The following PGA5 variants were observed in gnomAD, a reference collection of about 807,000 sequenced individuals.
The protein encoded by PGA5 is pepsinogen A5.
PGA5 carries 19 observed loss-of-function variants against 15.9 expected under a neutral mutation model. That is an observed-to-expected ratio of 1.19 (90% confidence interval 0.83 to 1.75). The LOEUF (loss-of-function observed/expected upper bound fraction) is 1.75. Among genes scored for constraint, PGA5 ranks in the 40% most tolerant of loss-of-function variants. The pLI is 0.00. For missense variants in PGA5, 224 were observed against 246.4 expected (o/e 0.91, Z 0.61); for synonymous variants, 92 against 95.8 (o/e 0.96, Z 0.23).
intron 8 of PGA5, chr11:61,250,595 A>T (rs11230644): frequency 0.055 from 24,423 of 448,064 alleles, 1,007 homozygotes; most frequent in Non-Finnish European, 0.065. Flanking sequence ...AGTGGACTCA[A>T]GTTATTCAAC....
At chr11:61,247,512 C>T (rs909962675) in intron 5 of PGA5, among the ~76,000 whole-genome samples, 2 of 151,880 alleles carry the variant, frequency 1.3e-5, no homozygotes, top group African/African-American at 2.4e-5. Flanking sequence ...CTCCTGACCT[C>T]GTGATCCACC....
chr11:61,247,281 CTTTT>C (rs1173101519), intron 5 of PGA5, among the ~76,000 whole-genome samples: 3 of 139,218 alleles, frequency 2.2e-5, no homozygotes, highest in African/African-American at 2.7e-5. Flanking sequence ...TGATTAATTT[CTTTT>C]TTTTTTTTTT....
intron 7 of PGA5, 29 bp from the exon 8 acceptor site, chr11:61,249,887 C>A: frequency 6.2e-7 from 1 of 1,613,662 alleles, no homozygotes; most frequent in Non-Finnish European, 8.5e-7. Context: ...GAAAACCCTT[C>A]TAACTTTTCT....
rs1181062325 is a variant in PGA5 at position 61,248,491 on chromosome 11, G to C, written c.729G>C (p.Trp243Cys). Residue 243 changes from tryptophan to cysteine, a missense_variant, in exon 6 of 9, where the codon TGG becomes TGC. Trp to Cys is a radical substitution (Grantham distance 215). Transcript: ENST00000312403. ...DSSYYTGSLN[W>C]VPVTVEGYWQ... is the part of the protein sequence containing the mutation. ...CTTACTACACTGGAAGTCTGAACTG[G>C]GTGCCTGTTACCGTCGAGGGTTACT... 6 of 1,613,492 alleles carry C rather than the reference G, an allele frequency of 3.7e-6. No individual in the cohort carries two copies. The highest frequency in any genetic ancestry group is 5.1e-6 in the Non-Finnish European group (6 of 1,179,864).
At chr11:61,248,864 G>A (rs1815844) in intron 6 of PGA5, among the ~76,000 whole-genome samples, 1 of 152,116 alleles carries the variant, frequency 6.6e-6, no homozygotes, top group African/African-American at 2.4e-5. Flanking sequence ...ATTTAAGGGG[G>A]CTGTGAACAA....
chr11:61,246,620 A>T (rs1854068214), intron 5 of PGA5, among the ~76,000 whole-genome samples: 1 of 151,812 alleles, frequency 6.6e-6, no homozygotes, highest in South Asian at 2.1e-4. Flanking sequence ...AAAATTAGCC[A>T]GGTATGATGG....
At position 61,251,137 on chromosome 11, in the gene PGA5, G is replaced by C. The variant is rs778520896; in HGVS notation, c.1023G>C (p.Glu341Asp). 2.5e-6 allele frequency: 4 copies of C among 1,611,822 alleles called. No homozygotes were observed. The South Asian group carries it at 4.4e-5, about 18-fold the overall frequency. ...TTTATTCTCCTTTTCTCCAGAGCGA[G>C]GGGAGCTGCATCAGTGGCTTCCAGG... is the stretch of plus-strand genomic sequence containing the variant. Reference protein sequence around the residue: ...VPPSAYILQSEGSCISGFQGM... With the variant: ...VPPSAYILQSDGSCISGFQGM... The change falls in exon 9 of 9, where the codon GAG (glutamate) becomes GAC (aspartate). Residue 341 changes from glutamate (E) to aspartate (D), a missense_variant. Coordinates refer to ENST00000312403, the MANE Select transcript of PGA5 (RefSeq NM_014224.5).
intron 5 of PGA5, among the ~76,000 whole-genome samples, chr11:61,246,750 C>A (rs1200815730): frequency 2.1e-5 from 3 of 140,454 alleles, no homozygotes; most frequent in Non-Finnish European, 4.5e-5. Flanking sequence ...GGCAACAGAG[C>A]AAGACTCCAT....
At chr11:61,247,131 GC>G (rs894735002) in intron 5 of PGA5, among the ~76,000 whole-genome samples, 1 of 151,922 alleles carries the variant, frequency 6.6e-6, no homozygotes, top group Admixed American at 6.6e-5. Flanking sequence ...GAAAGGGTTC[GC>G]CGTCATTCAT....
chr11:61,246,322 C>T (rs893895775), intron 5 of PGA5, among the ~76,000 whole-genome samples, 177 bp downstream of exon 5: 1 of 148,638 alleles, frequency 6.7e-6, no homozygotes, highest in Non-Finnish European at 1.5e-5. Flanking sequence ...AGTGCCAAGT[C>T]TGTCTCTGAC....
At chr11:61,249,849 A>G in intron 7 of PGA5, 36 bp downstream of exon 7, 2 of 1,613,690 alleles carry the variant, frequency 1.2e-6, no homozygotes, top group Non-Finnish European at 1.7e-6. Flanking sequence ...TCTACACTCA[A>G]GTAGTGGGTG....
chr11:61,246,452 A>G (rs1028293722), intron 5 of PGA5, among the ~76,000 whole-genome samples: 11 of 151,900 alleles, frequency 7.2e-5, no homozygotes, highest in East Asian at 3.9e-4. Flanking sequence ...CCCCAAAGAT[A>G]CCATTTAAAG....
chr11:61,250,091 G>T, intron 8 of PGA5, 77 bp downstream of exon 8: 3 of 1,553,228 alleles, frequency 1.9e-6, no homozygotes, highest in Non-Finnish European at 2.6e-6. Context: ...CAGAGGGAAA[G>T]TACACTTCCA....
At chr11:61,247,883 G>A (rs1854086335) in intron 5 of PGA5, among the ~76,000 whole-genome samples, 1 of 151,968 alleles carries the variant, frequency 6.6e-6, no homozygotes, top group African/African-American at 2.4e-5. Context: ...ACTGTCCCGT[G>A]CATTGTAGGA....
At chr11:61,248,639 G>A in intron 6 of PGA5, 104 bp downstream of exon 6, 2 of 1,568,512 alleles carry the variant, frequency 1.3e-6, no homozygotes, top group East Asian at 4.5e-5. Flanking sequence ...AGGAACAGCT[G>A]GCACAGGGGA....
chr11:61,248,259 G>A, intron 5 of PGA5, 160 bp from the exon 6 acceptor site: 1 of 1,536,198 alleles, frequency 6.5e-7, no homozygotes, highest in South Asian at 1.1e-5. Flanking sequence ...GGTGCCCACT[G>A]CATGGGCCCT....
chr11:61,249,403 A>G (rs1459466941), intron 6 of PGA5: 1 of 618,136 alleles, frequency 1.6e-6, no homozygotes, highest in East Asian at 2.9e-5. Context: ...CTTGCCAGCT[A>G]GGCCGGGAGC....
intron 8 of PGA5, among the ~76,000 whole-genome samples, chr11:61,250,478 C>T (rs577427508): frequency 0.017 from 2,594 of 148,486 alleles, 67 homozygotes; most frequent in African/African-American, 0.045. Context: ...CTGGGGCTTC[C>T]AACACTTCTA....
intron 5 of PGA5, chr11:61,248,179 G>A (rs567913183): frequency 1.1e-4 from 94 of 893,422 alleles, no homozygotes; most frequent in African/African-American, 1.5e-4. Flanking sequence ...CCCCCGCTGT[G>A]TGACCTTGGG....
Sources: gnomAD v4.1 joint callset for allele counts (sites outside exome capture counted in the v4.1 genomes callset) on GRCh38, gnomAD v4.1.1 for gene constraint, MANE v1.5 for transcripts, NCBI Gene and HGNC (gene_info 2026-07-23, HGNC 2026-07-21) for gene names.